Variants in TRIM11 observed in about 807,000 individuals in gnomAD.
TRIM11 encodes E3 ubiquitin-protein ligase TRIM11.
A neutral mutation model predicts 33.4 loss-of-function variants in TRIM11; 15 were observed. The observed-to-expected ratio is 0.45, with a 90% CI of 0.30 to 0.69. TRIM11 has a LOEUF of 0.69. Ranked by LOEUF, TRIM11 falls within the 30% of genes least tolerant of loss-of-function variation. The pLI, the probability that TRIM11 is intolerant of heterozygous loss-of-function variation, is 0.08. For missense variants in TRIM11, 499 were observed against 667.6 expected, an observed-to-expected ratio of 0.75 and a Z score of 2.78; for synonymous variants, 281 against 302.6, an observed-to-expected ratio of 0.93 and a Z score of 0.74.
In TRIM11 at chr1:228,397,117, C is replaced by G. The variant is rs186667712; in HGVS notation, c.758+26G>C. On this transcript the variant is annotated intron_variant, in intron 4 of 5. Transcript: ENST00000284551. ...GTCCCACCCCACTCCCTCCTGCCCC[C>G]CCTCCAGGAGAGGCTGGGTTCGTAC... 72 of 1,613,658 alleles carry G rather than the reference C, an allele frequency of 4.5e-5. 1 individual carries two copies. The highest frequency in any genetic ancestry group is 1.6e-4 in the Middle Eastern group (1 of 6,078).
intron 5 of TRIM11, 69 bp downstream of exon 5, chr1:228,396,878 G>T: frequency 6.8e-7 from 1 of 1,461,006 alleles, no homozygotes; most frequent in Non-Finnish European, 9.6e-7. Context: ...AGAACACGTG[G>T]CTGGCTGCCC....
rs111582901 is a variant in TRIM11 at position 228,401,474 on chromosome 1, A to G, written c.505-280T>C. Among the ~76,000 whole-genome samples, 1 of 151,978 alleles carries G rather than the reference A, an allele frequency of 6.6e-6. No individual in the cohort carries two copies. The highest frequency in any genetic ancestry group is 1.5e-5 in the Non-Finnish European group (1 of 67,980). Reference sequence around the variant, plus strand: ...ACCACACAGGACTGGCTAGACCCCAAATCTAAACCCAGGGCCGACTAGATC... The same window carrying G: ...ACCACACAGGACTGGCTAGACCCCAGATCTAAACCCAGGGCCGACTAGATC... On this transcript the variant is annotated intron_variant, in intron 2 of 5. Coordinates refer to ENST00000284551, the MANE Select transcript of TRIM11 (RefSeq NM_145214.3). This position sits in a 1 kb window ranked among gnomAD's most constrained non-coding sequence, Gnocchi z 6.1.
In TRIM11 at chr1:228,401,321, A is replaced by G. The variant is rs1168971143; in HGVS notation, c.505-127T>C. On this transcript the variant is annotated intron_variant, in intron 2 of 5. Transcript: ENST00000284551. This position sits in a 1 kb window ranked among gnomAD's most constrained non-coding sequence, Gnocchi z 6.1. ...CAACCCCACCCCCGGGGCCTGCTAA[A>G]GCCAAAGCACAGCACCAGGTGTGGC... 2.1e-5 allele frequency: 25 copies of G among 1,205,618 alleles called. No individual in the cohort carries two copies. Among genetic ancestry groups the G allele is most frequent in the Non-Finnish European group, 2.9e-5 (25 of 874,352 alleles). The allele number at this position is 1,205,618 out of a possible 1,614,324, so 74.7% of individuals were successfully genotyped here. A position where few individuals can be genotyped will look rare whatever the true frequency, so the allele number is the denominator to read the frequency against.
At position 228,401,988 on chromosome 1, in the gene TRIM11, A is replaced by T; in HGVS notation, c.504+78T>A. ...CCAAGGGCAAGTGTGCCTGGCCAGCATCGCCCCCTGGGGTCTCCTATACAG... is the reference window on the plus strand; with the variant it reads ...CCAAGGGCAAGTGTGCCTGGCCAGCTTCGCCCCCTGGGGTCTCCTATACAG... On this transcript the variant is annotated intron_variant, in intron 2 of 5. Transcript: ENST00000284551. The surrounding 1 kb of genome is among the most constrained non-coding windows in gnomAD (Gnocchi z 6.1). 3.3e-6 allele frequency: 4 copies of T among 1,219,146 alleles called. No homozygotes were observed. Among genetic ancestry groups the T allele is most frequent in the Non-Finnish European group, 3.4e-6 (3 of 874,332 alleles). 75.5% of individuals were successfully genotyped at this position (1,219,146 alleles called of 1,614,324 possible).
Position 228,403,132 on chromosome 1 carries a change from C to T in TRIM11, c.409-971G>A, listed in dbSNP as rs1656288177. ...AAGCAGTGAAAATCCTGTACACAAG[C>T]TCACTGTACTGTGTGTGCTTGGGGT... is the stretch of plus-strand genomic sequence containing the variant. On this transcript the variant is annotated intron_variant, in intron 1 of 5. Transcript: ENST00000284551. The surrounding 1 kb of genome is among the most constrained non-coding windows in gnomAD (Gnocchi z 4.8). 6.6e-6 allele frequency: 1 copy of T among 152,306 alleles called. No homozygotes were observed. Among genetic ancestry groups the T allele is most frequent in the Non-Finnish European group, 1.5e-5 (1 of 68,094 alleles). The allele number at this position is 152,306 out of a possible 1,614,324, so 9.4% of individuals were successfully genotyped here. A position where few individuals can be genotyped will look rare whatever the true frequency, so the allele number is the denominator to read the frequency against.
In TRIM11 at chr1:228,401,969, G is replaced by A; in HGVS notation, c.504+97C>T. 2 of 966,236 alleles carry A rather than the reference G, an allele frequency of 2.1e-6. No individual in the cohort carries two copies. Among genetic ancestry groups the A allele is most frequent in the Non-Finnish European group, 3.0e-6 (2 of 667,674 alleles). The allele number at this position is 966,236 out of a possible 1,614,324, so 59.9% of individuals were successfully genotyped here. Reference sequence around the variant, plus strand: ...AGTGACTGGTCCTGGGGCGCCAAGGGCAAGTGTGCCTGGCCAGCATCGCCC... The same window carrying A: ...AGTGACTGGTCCTGGGGCGCCAAGGACAAGTGTGCCTGGCCAGCATCGCCC... On this transcript the variant is annotated intron_variant, in intron 2 of 5. Coordinates refer to ENST00000284551, the MANE Select transcript of TRIM11 (RefSeq NM_145214.3). The surrounding 1 kb of genome is among the most constrained non-coding windows in gnomAD (Gnocchi z 6.1).
At position 228,400,943 on chromosome 1, in the gene TRIM11, G is replaced by GC; in HGVS notation, c.735+20dup. The GC allele has an allele frequency of 6.5e-7, 1 of 1,529,096 alleles. No individual in the cohort carries two copies. The highest frequency in any genetic ancestry group is 8.8e-7 in the Non-Finnish European group (1 of 1,139,704). The allele number at this position is 1,529,096 out of a possible 1,614,324, so 94.7% of individuals were successfully genotyped here. A position where few individuals can be genotyped will look rare whatever the true frequency, so the allele number is the denominator to read the frequency against. ...AGGCCATGCCCGTGTGGCCACCATG[G>GC]CTGCTCCCCGCCCAGCTCACCTGCA... On this transcript the variant is annotated intron_variant, in intron 3 of 5. Transcript: ENST00000284551. The surrounding 1 kb of genome is among the most constrained non-coding windows in gnomAD (Gnocchi z 4.5).
In TRIM11 at chr1:228,402,141, C is replaced by T; in HGVS notation, c.429G>A (p.Leu143=). ...EDLKAKLEKS[L]EHLRKQMQDA... is the part of the protein sequence containing the mutation. Reference sequence around the variant, plus strand: ...CCTGCATCTGCTTCCGGAGATGCTCCAGTGACTTCTCCAGCTTCGCCTGCG... The same window carrying T: ...CCTGCATCTGCTTCCGGAGATGCTCTAGTGACTTCTCCAGCTTCGCCTGCG... Residue 143 remains leucine (L), a synonymous_variant, in exon 2 of 6, where the codon CTG becomes CTA. Transcript: ENST00000284551. The T allele has an allele frequency of 6.2e-7, 1 of 1,612,964 alleles. No homozygotes were observed. Among genetic ancestry groups the T allele is most frequent in the Admixed American group, 1.7e-5 (1 of 59,928 alleles).
At chr1:228,399,842 G>A (rs184258040) in intron 3 of TRIM11, among the ~76,000 whole-genome samples, 1 of 145,162 alleles carries the variant, frequency 6.9e-6, no homozygotes, top group Admixed American at 7.1e-5. Context: ...TTCGGGTGAT[G>A]GCTACACTCT....
chr1:228,394,786 G>A lies in TRIM11; in HGVS notation c.1326C>T (p.Phe442=), dbSNP rs1441065319. The A allele has an allele frequency of 3.1e-6, 5 of 1,614,094 alleles. No individual in the cohort carries two copies. The highest frequency in any genetic ancestry group is 4.2e-6 in the Non-Finnish European group (5 of 1,180,002). The change falls in exon 6 of 6, where the codon TTC becomes TTT. Residue 442 remains phenylalanine, a synonymous_variant. Transcript: ENST00000284551. This position sits in a 1 kb window ranked among gnomAD's most constrained non-coding sequence, Gnocchi z 6.2. ...IPFSGTLRPL[F]SPLSSSPTPM... ...GGGTCGGGCTGCTGGACAGGGGTGA[G>A]AAGAGGGGCCGCAGCGTCCCCGAGA...
chr1:228,401,822 G>A lies in TRIM11; in HGVS notation c.504+244C>T, dbSNP rs1445093378. On this transcript the variant is annotated intron_variant, in intron 2 of 5. Coordinates refer to ENST00000284551, the MANE Select transcript of TRIM11 (RefSeq NM_145214.3). This position sits in a 1 kb window ranked among gnomAD's most constrained non-coding sequence, Gnocchi z 6.1. ...AATACACCTGAGAGTTGCCACCCAA[G>A]CATGCTGGGACCCCAGGATGGGGCC... is the stretch of plus-strand genomic sequence containing the variant. Among the ~76,000 whole-genome samples the A allele has an allele frequency of 6.6e-6, 1 of 152,172 alleles. No individual in the cohort carries two copies. Among genetic ancestry groups the A allele is most frequent in the Non-Finnish European group, 1.5e-5 (1 of 68,018 alleles).
chr1:228,399,891 C>CAA (rs58986540), intron 3 of TRIM11, among the ~76,000 whole-genome samples: 26 of 92,754 alleles, frequency 2.8e-4, no homozygotes, highest in Admixed American at 1.1e-3. Flanking sequence ...AAAAAAAAAA[C>CAA]AAAAAAAAAA....
intron 3 of TRIM11, among the ~76,000 whole-genome samples, chr1:228,399,891 C>CAAAAAAAAAAAAA (rs58986540): frequency 1.1e-4 from 10 of 92,608 alleles, no homozygotes; most frequent in Non-Finnish European, 2.2e-4. Flanking sequence ...AAAAAAAAAA[C>CAAAAAAAAAAAAA]AAAAAAAAAA....
At chr1:228,402,256 T>C in intron 1 of TRIM11, 95 bp from the exon 2 acceptor site, 1 of 876,058 alleles carries the variant, frequency 1.1e-6, no homozygotes, top group Non-Finnish European at 1.7e-6. Context: ...TCAAAGACAA[T>C]GGGGACAAAC....
chr1:228,402,316 A>C, intron 1 of TRIM11, 155 bp from the exon 2 acceptor site: 1 of 562,466 alleles, frequency 1.8e-6, no homozygotes, highest in Non-Finnish European at 3.1e-6. Context: ...AATAAGCGTG[A>C]GCCCTCATGG....
rs901813946 is a variant in TRIM11 at position 228,400,984 on chromosome 1, G to A, written c.715C>T (p.Pro239Ser). The A allele has an allele frequency of 6.9e-6, 11 of 1,585,238 alleles. No homozygotes were observed. Among genetic ancestry groups the A allele is most frequent in the East Asian group, 2.3e-5 (1 of 44,034 alleles). The change falls in exon 3 of 6, where the codon CCT (proline) becomes TCT (serine). Residue 239 changes from proline to serine, a missense_variant. Transcript: ENST00000284551. This position sits in a 1 kb window ranked among gnomAD's most constrained non-coding sequence, Gnocchi z 4.5. Reference sequence around the variant, plus strand: ...CTCACCTGCAGCAGCCCCAGAGCAGGCAGCTGGCAGCGGCCCTCGAGCTCG... The same window carrying A: ...CTCACCTGCAGCAGCCCCAGAGCAGACAGCTGGCAGCGGCCCTCGAGCTCG... ...IAELEGRCQL[P>S]ALGLLQDIKD...
Position 228,406,662 on chromosome 1 carries a change from G to C in TRIM11, c.-101C>G. The C allele has an allele frequency of 1.7e-6, 2 of 1,186,094 alleles. No homozygotes were observed. Among genetic ancestry groups the C allele is most frequent in the Non-Finnish European group, 2.2e-6 (2 of 926,614 alleles). 73.5% of individuals were successfully genotyped at this position (1,186,094 alleles called of 1,614,324 possible). On this transcript the variant is annotated 5_prime_UTR_variant, in exon 1 of 6. Coordinates refer to ENST00000284551, the MANE Select transcript of TRIM11 (RefSeq NM_145214.3). This position sits in a 1 kb window ranked among gnomAD's most constrained non-coding sequence, Gnocchi z 8.2. ...GGGGTATCCGGGTGCGGCGGCGCAG[G>C]CTCGGGCACTCCGGGGCGCGAGGCT...
In TRIM11 at chr1:228,396,418, GCT is replaced by G. The variant is rs1482003590; in HGVS notation, c.859+527_859+528del. On this transcript the variant is annotated intron_variant, in intron 5 of 5. Coordinates refer to ENST00000284551, the MANE Select transcript of TRIM11 (RefSeq NM_145214.3). ...AGGTGCACCCAGGGAGGGTGGGAAA[GCT>G]CTGAGCCCTTCCCCAGGCTTTGCCC... 3 of 540,750 alleles carry G rather than the reference GCT, an allele frequency of 5.5e-6. No homozygotes were observed. The African/African-American group carries it at 5.7e-5, about 10-fold the overall frequency. The allele number at this position is 540,750 out of a possible 1,614,324, so 33.5% of individuals were successfully genotyped here. A position where few individuals can be genotyped will look rare whatever the true frequency, so the allele number is the denominator to read the frequency against.
intron 3 of TRIM11, among the ~76,000 whole-genome samples, chr1:228,399,156 C>A (rs1467360397): frequency 6.6e-6 from 1 of 152,048 alleles, no homozygotes; most frequent in Non-Finnish European, 1.5e-5. Flanking sequence ...GCTGGGAACC[C>A]GGGTTGGGTT....
Sources: allele counts gnomAD v4.1 joint callset (sites outside exome capture counted in the v4.1 genomes callset), GRCh38; gene constraint gnomAD v4.1.1; non-coding constraint Gnocchi (gnomAD v3.1); transcripts MANE v1.5; gene names NCBI Gene and HGNC (gene_info 2026-07-23, HGNC 2026-07-21).